SPG11: variants seen among roughly 807,000 people sequenced by gnomAD.
SPG11 encodes the protein SPG11 vesicle trafficking associated, spatacsin.
SPG11 carries 222 observed loss-of-function variants against 274.0 expected under a neutral mutation model. That is an observed-to-expected ratio of 0.81 (90% confidence interval 0.73 to 0.91). The LOEUF (loss-of-function observed/expected upper bound fraction) is 0.91, where lower values mean the gene tolerates loss of function less well. Ranked by LOEUF, SPG11 falls within the 40% of genes least tolerant of loss-of-function variation. The pLI, the probability that SPG11 is intolerant of heterozygous loss-of-function variation, is 0.00. For synonymous variants in SPG11, 1,144 were observed against 1,039.7 expected (o/e 1.10, Z -1.93); for missense variants, 3,114 against 2,872.7 (o/e 1.08, Z -1.92).
chr15:44,603,639 C>T (rs1360953960), intron 20 of SPG11, among the ~76,000 whole-genome samples: 1 of 152,130 alleles, frequency 6.6e-6, no homozygotes, highest in Admixed American at 6.5e-5. Context: ...TGATATGAGT[C>T]TAGTCATCTC....
At chr15:44,587,658 T>C (rs955808111) in intron 28 of SPG11, among the ~76,000 whole-genome samples, 2 of 121,674 alleles carry the variant, frequency 1.6e-5, no homozygotes, top group East Asian at 5.1e-4. Flanking sequence ...AACGTGCCAC[T>C]GCACTCCAGC....
chr15:44,621,607 G>C (rs2083752795), intron 14 of SPG11, 152 bp downstream of exon 14: 2 of 732,914 alleles, frequency 2.7e-6, no homozygotes, highest in Non-Finnish European at 4.6e-6. Flanking sequence ...AGATAAGAAA[G>C]AGATCTTAAT....
chr15:44,597,091 ACTTTG>A (rs2083063271), intron 23 of SPG11, 148 bp from the exon 24 acceptor site: 1 of 705,024 alleles, frequency 1.4e-6, no homozygotes. Context: ...TTATTAGGCT[ACTTTG>A]AAAAAAGTAG....
intron 14 of SPG11, 56 bp from the exon 15 acceptor site, chr15:44,620,459 ACT>A (rs1170360557): frequency 3.4e-6 from 4 of 1,186,502 alleles, no homozygotes; most frequent in Non-Finnish European, 4.9e-6. Flanking sequence ...TTGACATGTA[ACT>A]CAACACTAAA....
chr15:44,582,955 AG>A (rs969915639), intron 30 of SPG11, among the ~76,000 whole-genome samples: 1 of 152,234 alleles, frequency 6.6e-6, no homozygotes, highest in African/African-American at 2.4e-5. Flanking sequence ...CTTTAAGGTC[AG>A]TAAAAAGGTA....
chr15:44,616,865 G>A (rs1390451748), intron 15 of SPG11, among the ~76,000 whole-genome samples: 1 of 152,176 alleles, frequency 6.6e-6, no homozygotes, highest in African/African-American at 2.4e-5. Context: ...GTGAAACACT[G>A]AGGTCCATTT....
chr15:44,624,949 A>T (rs928416251), intron 11 of SPG11, among the ~76,000 whole-genome samples: 5 of 152,106 alleles, frequency 3.3e-5, no homozygotes, highest in African/African-American at 1.2e-4. Flanking sequence ...AGCCTGACCA[A>T]CATGGAGAAA....
At chr15:44,626,896 T>C (rs1360182120) in intron 10 of SPG11, among the ~76,000 whole-genome samples, 3 of 151,984 alleles carry the variant, frequency 2.0e-5, no homozygotes, top group Non-Finnish European at 4.4e-5. Flanking sequence ...AAGTGTTCCG[T>C]AGATATACTG....
intron 2 of SPG11, 117 bp from the exon 3 acceptor site, chr15:44,659,420 A>T (rs1260381961): frequency 1.1e-6 from 1 of 892,534 alleles, no homozygotes; most frequent in Non-Finnish European, 1.8e-6. Context: ...GACTTAGTCT[A>T]ACTTTACGCA....
At chr15:44,634,655 T>A (rs2084185329) in intron 7 of SPG11, among the ~76,000 whole-genome samples, 1 of 151,942 alleles carries the variant, frequency 6.6e-6, no homozygotes, top group South Asian at 2.1e-4. Flanking sequence ...GGTTTCATCT[T>A]GGCTCACTGC....
At chr15:44,663,252 G>A in intron 1 of SPG11, 139 bp downstream of exon 1, 1 of 1,183,486 alleles carries the variant, frequency 8.4e-7, no homozygotes, top group Non-Finnish European at 1.2e-6. Flanking sequence ...GCTCGCCTCT[G>A]GGGCGTTTCC....
rs1277634913 is a variant in SPG11, at chr15:44,567,573, G to A, written c.6605C>T (p.Ala2202Val). ...GCAGCGTTTGATGTAGTCCAGCAGG[G>A]CTGTTTTCAGGGTACCACTCTGCCC... The part of the protein sequence containing the change: ...KLDPSGTLKT[A>V]LLDYIKRCRP... Residue 2202 changes from alanine to valine, a missense_variant, in exon 36 of 40, where the codon GCC becomes GTC. By Grantham distance (64) the Ala-to-Val change is moderately conservative. Coordinates refer to ENST00000261866, the MANE Select transcript of SPG11 (RefSeq NM_025137.4). 2 of 1,613,854 alleles carry A rather than the reference G, an allele frequency of 1.2e-6. No homozygotes were observed. Among genetic ancestry groups the A allele is most frequent in the Admixed American group, 3.3e-5 (2 of 59,978 alleles).
intron 4 of SPG11, 74 bp downstream of exon 4, chr15:44,657,021 C>A: frequency 2.3e-5 from 29 of 1,250,746 alleles, no homozygotes; most frequent in African/African-American, 4.6e-5. Flanking sequence ...AAAAAAAAAA[C>A]TAACGAGGAT....
At chr15:44,589,215 C>T (rs777754299) in intron 28 of SPG11, 37 bp downstream of exon 28, 60 of 1,605,090 alleles carry the variant, frequency 3.7e-5, no homozygotes, top group Non-Finnish European at 4.8e-5. Flanking sequence ...AGAAAGCTAA[C>T]TTCTTAATAG....
intron 1 of SPG11, among the ~76,000 whole-genome samples, chr15:44,662,595 C>A (rs1178009676): frequency 1.4e-5 from 2 of 147,844 alleles, no homozygotes; most frequent in Non-Finnish European, 3.0e-5. Flanking sequence ...GGCTGGCTGC[C>A]GTGAACCGTG....
chr15:44,576,474 C>T (rs2082540921), intron 30 of SPG11, among the ~76,000 whole-genome samples: 1 of 151,526 alleles, frequency 6.6e-6, no homozygotes, highest in Non-Finnish European at 1.5e-5. Context: ...CGGTGAAACC[C>T]CGTCTCTACT....
chr15:44,622,773 G>C lies in SPG11; in HGVS notation c.2271C>G (p.Leu757=). Residue 757 remains leucine, a synonymous_variant, in exon 12 of 40, where the codon CTC becomes CTG. Coordinates refer to ENST00000261866, the MANE Select transcript of SPG11 (RefSeq NM_025137.4). The part of the protein sequence containing the change: ...NMGFDVKGQL[L]KICFYTTNKN... ...TATTAGTTGTATAGAAGCAGATCTT[G>C]AGCAATTGGCCTTTTACATCAAACC... 1 of 1,613,710 alleles carries C rather than the reference G, an allele frequency of 6.2e-7. No individual in the cohort carries two copies. The highest frequency in any genetic ancestry group is 8.5e-7 in the Non-Finnish European group (1 of 1,179,804).
chr15:44,648,942 C>T lies in SPG11; in HGVS notation c.1526G>A (p.Gly509Glu), dbSNP rs1418238531. 1 of 1,613,820 alleles carries T rather than the reference C, an allele frequency of 6.2e-7. No individual in the cohort carries two copies. Among genetic ancestry groups the T allele is most frequent in the African/African-American group, 1.3e-5 (1 of 74,914 alleles). ...EEFLNRLMIH[G>E]SASTVDTLCH... ...AAGAGTGTCCACAGTGCTGGCACTT[C>T]CATGGATCATGAGTCTGTTTAAAAA... Residue 509 changes from glycine to glutamate, a missense_variant, in exon 7 of 40, where the codon GGA becomes GAA. Transcript: ENST00000261866.
At chr15:44,633,704 T>C in intron 7 of SPG11, 67 bp from the exon 8 acceptor site, 1 of 1,522,768 alleles carries the variant, frequency 6.6e-7, no homozygotes, top group East Asian at 2.3e-5. Flanking sequence ...AGGATTCAGA[T>C]TTTTAAACAA....
Sources: gnomAD v4.1 joint callset for allele counts (sites outside exome capture counted in the v4.1 genomes callset) on GRCh38, gnomAD v4.1.1 for gene constraint, MANE v1.5 for transcripts, NCBI Gene and HGNC (gene_info 2026-07-23, HGNC 2026-07-21) for gene names.